STARD13: variants seen among roughly 807,000 people sequenced by gnomAD.
STARD13 encodes the protein StAR related lipid transfer domain containing 13.
In STARD13, 62 loss-of-function variants were observed where a neutral mutation model predicts 106.4. That is an observed-to-expected ratio of 0.58 (90% CI 0.48 to 0.72). The LOEUF is 0.72. Among genes scored for constraint, STARD13 ranks in the 30% least tolerant of loss-of-function variants. The pLI is 0.00. For synonymous variants in STARD13, 565 were observed against 553.0 expected (o/e 1.02, Z -0.31); for missense variants, 1,387 against 1,424.0 (o/e 0.97, Z 0.42).
At chr13:33,647,408 C>A in the STARD13 span, among the ~76,000 whole-genome samples, 24 of 152,190 alleles carry the variant, frequency 1.6e-4, no homozygotes, top group Middle Eastern at 3.4e-3. Flanking sequence ...TGCCTTTTTC[C>A]CAGTTGTACA....
At chr13:33,400,153 G>A in the STARD13 span, among the ~76,000 whole-genome samples, 1 of 151,998 alleles carries the variant, frequency 6.6e-6, no homozygotes, top group Non-Finnish European at 1.5e-5. Context: ...CCCATCCCCT[G>A]GTAACCACCA....
intron 1 of STARD13, among the ~76,000 whole-genome samples, chr13:33,342,420 T>C (rs1275459202): frequency 1.3e-5 from 2 of 152,242 alleles, no homozygotes. Flanking sequence ...TTTGTGCATA[T>C]GCAGGCAACT....
rs1054343169 is a variant in STARD13, at chr13:33,110,052, A to G, written c.2868T>C (p.Ser956=). Residue 956 remains serine, a synonymous_variant, in exon 12 of 14, where the codon TCT becomes TCC. Coordinates refer to ENST00000336934, the MANE Select transcript of STARD13 (RefSeq NM_178006.4). ...DGNPLKLWKA[S]VEVEAPPSVV... is the part of the protein sequence containing the mutation. ...CTGAGGGGGGTGCTTCCACCTCCACAGAAGCCTTCCACAGCTTCAGCGGGT... is the reference window on the plus strand; with the variant it reads ...CTGAGGGGGGTGCTTCCACCTCCACGGAAGCCTTCCACAGCTTCAGCGGGT... The G allele has an allele frequency of 1.9e-6, 3 of 1,614,104 alleles. No homozygotes were observed. In the African/African-American group the frequency reaches 4.0e-5, roughly 22 times the overall value.
At chr13:33,657,957 C>A in the STARD13 span, among the ~76,000 whole-genome samples, 2 of 152,064 alleles carry the variant, frequency 1.3e-5, no homozygotes, top group African/African-American at 4.8e-5. Flanking sequence ...TTTAAGTGTA[C>A]AGTTTAGTGG....
the STARD13 span, among the ~76,000 whole-genome samples, chr13:33,371,009 A>G: frequency 6.6e-6 from 1 of 152,244 alleles, no homozygotes; most frequent in South Asian, 2.1e-4. Context: ...ATCAAGATCA[A>G]TTCACTTCAT....
At chr13:33,133,128 G>A (rs566783291) in intron 4 of STARD13, among the ~76,000 whole-genome samples, 1 of 152,144 alleles carries the variant, frequency 6.6e-6, no homozygotes, top group Middle Eastern at 3.2e-3. Context: ...ACAACATTTA[G>A]TGTTGGCCCC....
the STARD13 span, among the ~76,000 whole-genome samples, chr13:33,660,648 A>G: frequency 4.4e-4 from 67 of 152,272 alleles, 1 homozygote; most frequent in African/African-American, 1.6e-3. Flanking sequence ...AAGTGGTGCA[A>G]TTATAACTCA....
At chr13:33,226,293 T>A (rs1888620422) in intron 1 of STARD13, among the ~76,000 whole-genome samples, 1 of 152,242 alleles carries the variant, frequency 6.6e-6, no homozygotes, top group Non-Finnish European at 1.5e-5. Context: ...TTCATTTTTT[T>A]ATAAATAAGT....
intron 1 of STARD13, among the ~76,000 whole-genome samples, chr13:33,325,774 C>G (rs190248719): frequency 1.0e-3 from 152 of 152,116 alleles, no homozygotes; most frequent in African/African-American, 3.5e-3. Flanking sequence ...GCGGACGGAT[C>G]ACGAGGTCAG....
chr13:33,535,185 A>C, the STARD13 span, among the ~76,000 whole-genome samples: 2 of 152,194 alleles, frequency 1.3e-5, no homozygotes, highest in South Asian at 4.1e-4. Flanking sequence ...ATTGTGCTCC[A>C]GTCTGGATGA....
At chr13:33,586,941 C>T in the STARD13 span, among the ~76,000 whole-genome samples, 2 of 152,132 alleles carry the variant, frequency 1.3e-5, no homozygotes, top group African/African-American at 2.4e-5. Context: ...TGGCCGAGCA[C>T]GGTGGCTCAC....
chr13:33,459,500 G>T, the STARD13 span, among the ~76,000 whole-genome samples: 9 of 152,112 alleles, frequency 5.9e-5, no homozygotes, highest in Non-Finnish European at 1.3e-4. Context: ...CTACTCATTT[G>T]TCTGCTGATG....
At chr13:33,318,880 A>G (rs1209371319) in intron 1 of STARD13, among the ~76,000 whole-genome samples, 2 of 152,184 alleles carry the variant, frequency 1.3e-5, no homozygotes, top group African/African-American at 4.8e-5. Flanking sequence ...GACTAGGATA[A>G]TTACAATAAA....
the STARD13 span, among the ~76,000 whole-genome samples, chr13:33,542,461 T>A: frequency 6.6e-6 from 1 of 152,346 alleles, no homozygotes; most frequent in African/African-American, 2.4e-5. Flanking sequence ...CGCCACCATT[T>A]CCGCCTTGCC....
the STARD13 span, among the ~76,000 whole-genome samples, chr13:33,385,467 T>TAAAAAAA: frequency 1.3e-5 from 1 of 76,478 alleles, no homozygotes; most frequent in Non-Finnish European, 2.7e-5. Context: ...CCCAGAATGG[T>TAAAAAAA]AAAAAAAAAA....
At chr13:33,155,433 G>A (rs980713355) in intron 3 of STARD13, 3 of 152,148 alleles carry the variant, frequency 2.0e-5, no homozygotes, top group African/African-American at 4.8e-5. Context: ...GCAAGGCAAG[G>A]CATTTTTTAA....
At chr13:33,382,016 T>A in the STARD13 span, among the ~76,000 whole-genome samples, 1 of 152,158 alleles carries the variant, frequency 6.6e-6, no homozygotes, top group Non-Finnish European at 1.5e-5. Context: ...GATGGTCACA[T>A]GAACTCCATA....
At chr13:33,173,892 C>T (rs190687465) in intron 1 of STARD13, among the ~76,000 whole-genome samples, 61 of 152,320 alleles carry the variant, frequency 4.0e-4, no homozygotes, top group Middle Eastern at 6.8e-3. Context: ...TGTACTCAGT[C>T]AAGACAGAGA....
At chr13:33,402,073 C>T in the STARD13 span, among the ~76,000 whole-genome samples, 1 of 152,004 alleles carries the variant, frequency 6.6e-6, no homozygotes, top group Non-Finnish European at 1.5e-5. Flanking sequence ...CTATAATAAG[C>T]CTGACAGTAC....
Sources: gnomAD v4.1 joint callset for allele counts (sites outside exome capture counted in the v4.1 genomes callset) on GRCh38, gnomAD v4.1.1 for gene constraint, MANE v1.5 for transcripts, NCBI Gene and HGNC (gene_info 2026-07-23, HGNC 2026-07-21) for gene names.